The following DPYD variants were observed in gnomAD, a reference collection of about 807,000 sequenced individuals.
DPYD encodes the protein dihydropyrimidine dehydrogenase, also known as dihydropyrimidine dehydrogenase [NADP(+)].
A neutral mutation model predicts 116.2 loss-of-function variants in DPYD; 109 were observed. The observed-to-expected ratio is 0.94, with a 90% CI of 0.80 to 1.10. The LOEUF is 1.10. DPYD is among the 50% of genes least tolerant of loss of function. The pLI is 0.00. For missense variants in DPYD, 1,302 were observed against 1,254.5 expected, an observed-to-expected ratio of 1.04 and a Z score of -0.57; for synonymous variants, 440 against 432.0, an observed-to-expected ratio of 1.02 and a Z score of -0.23.
intron 3 of DPYD, among the ~76,000 whole-genome samples, chr1:97,823,085 A>C (rs1669043110): frequency 6.6e-6 from 1 of 152,230 alleles, no homozygotes; most frequent in Admixed American, 6.5e-5. Flanking sequence ...TTGTGTAATG[A>C]TCAAATCAAG....
In DPYD at chr1:97,593,288, C is replaced by T. The variant is rs778601245; in HGVS notation, c.1058G>A (p.Arg353His). The change falls in exon 10 of 23, where the codon CGT becomes CAT. Residue 353 changes from arginine (R) to histidine (H), a missense_variant. Arg to His is a conservative substitution (Grantham distance 29, BLOSUM62 0). Transcript: ENST00000370192. ...GATGAACACACGGCGAGCTCCACAA[C>T]GTAGAGCAGATGTTGCACAGTCAAA... is the stretch of plus-strand genomic sequence containing the variant. ...TAFDCATSAL[R>H]CGARRVFIVF... 22 of 1,614,116 alleles carry T rather than the reference C, an allele frequency of 1.4e-5. No homozygotes were observed. In the South Asian group the frequency reaches 2.0e-4, roughly 14 times the overall value.
intron 19 of DPYD, among the ~76,000 whole-genome samples, chr1:97,196,504 G>A (rs1276599559): frequency 6.6e-6 from 1 of 152,142 alleles, no homozygotes; most frequent in African/African-American, 2.4e-5. Flanking sequence ...ACTGATTTCT[G>A]TGTATGAGAT....
intron 14 of DPYD, among the ~76,000 whole-genome samples, chr1:97,390,254 T>G (rs1465495282): frequency 1.3e-5 from 2 of 152,022 alleles, no homozygotes; most frequent in Admixed American, 6.6e-5. Flanking sequence ...AGGGAAAAAC[T>G]GCAAAGTGAC....
At chr1:97,538,486 C>A (rs764269224) in intron 12 of DPYD, among the ~76,000 whole-genome samples, 1 of 152,120 alleles carries the variant, frequency 6.6e-6, no homozygotes. Flanking sequence ...ATACTTAGTT[C>A]CCTCAACCAC....
chr1:97,701,184 G>C (rs899338317), intron 5 of DPYD, among the ~76,000 whole-genome samples: 4 of 146,818 alleles, frequency 2.7e-5, no homozygotes, highest in African/African-American at 9.9e-5. Flanking sequence ...AAGAAAGCTG[G>C]TACATATATA....
intron 2 of DPYD, among the ~76,000 whole-genome samples, chr1:97,872,183 A>G (rs1190657703): frequency 6.6e-6 from 1 of 151,918 alleles, no homozygotes; most frequent in Non-Finnish European, 1.5e-5. Flanking sequence ...CCAACCTCAA[A>G]GATAAGGAAG....
chr1:97,320,068 T>C (rs1473528066), intron 16 of DPYD, among the ~76,000 whole-genome samples: 12 of 140,134 alleles, frequency 8.6e-5, no homozygotes, highest in African/African-American at 2.6e-4. Context: ...AATTAGGTAT[T>C]GATGGGATGT....
At chr1:97,134,036 T>A (rs868408720) in intron 20 of DPYD, among the ~76,000 whole-genome samples, 707 of 41,902 alleles carry the variant, frequency 0.017, 78 homozygotes, top group East Asian at 0.053. Context: ...TATATATATA[T>A]ATATATATAT....
chr1:97,721,124 T>C (rs540521177), intron 5 of DPYD, among the ~76,000 whole-genome samples: 1 of 151,922 alleles, frequency 6.6e-6, no homozygotes, highest in South Asian at 2.1e-4. Flanking sequence ...AAATATGCTG[T>C]ATTTCAAGCT....
At chr1:97,910,622 T>A (rs77350815) in intron 1 of DPYD, among the ~76,000 whole-genome samples, 10,327 of 152,184 alleles carry the variant, frequency 0.068, 385 homozygotes, top group Middle Eastern at 0.13. Flanking sequence ...GTGGCAGAGC[T>A]AGGCTGTGAA....
intron 2 of DPYD, among the ~76,000 whole-genome samples, chr1:97,846,656 T>G (rs1043769004): frequency 6.6e-6 from 1 of 152,236 alleles, no homozygotes; most frequent in African/African-American, 2.4e-5. Flanking sequence ...GAGATTGGTA[T>G]GAATATAAAG....
At chr1:97,088,798 G>C (rs888807713) in intron 21 of DPYD, among the ~76,000 whole-genome samples, 5 of 152,042 alleles carry the variant, frequency 3.3e-5, no homozygotes, top group African/African-American at 1.2e-4. Flanking sequence ...AGACTTAAGG[G>C]ATTATTTTAC....
chr1:97,500,456 C>T (rs568659724), intron 13 of DPYD, among the ~76,000 whole-genome samples: 1 of 151,930 alleles, frequency 6.6e-6, no homozygotes, highest in East Asian at 1.9e-4. Context: ...GAATTCAAAG[C>T]TCTTATTTCA....
chr1:97,081,619 AAG>A (rs1649150721), intron 22 of DPYD, among the ~76,000 whole-genome samples: 1 of 152,108 alleles, frequency 6.6e-6, no homozygotes, highest in Non-Finnish European at 1.5e-5. Flanking sequence ...TTATAAGCCA[AAG>A]AGAAATTCAC....
At chr1:97,211,029 A>G (rs960684310) in intron 19 of DPYD, among the ~76,000 whole-genome samples, 15 of 152,168 alleles carry the variant, frequency 9.9e-5, no homozygotes, top group Admixed American at 9.8e-4. Flanking sequence ...TTAATTATCT[A>G]CACGACAGCT....
chr1:97,858,271 C>T (rs191779076), intron 2 of DPYD, among the ~76,000 whole-genome samples: 183 of 152,152 alleles, frequency 1.2e-3, no homozygotes, highest in Non-Finnish European at 2.1e-3. Context: ...AACTAAATTG[C>T]TTCAATCTTA....
chr1:97,599,480 G>A (rs1655111127), intron 8 of DPYD, among the ~76,000 whole-genome samples: 1 of 151,976 alleles, frequency 6.6e-6, no homozygotes. Flanking sequence ...GCATGTTTAA[G>A]AATTACTCAG....
At chr1:97,638,972 G>T (rs1196302473) in intron 8 of DPYD, among the ~76,000 whole-genome samples, 1 of 152,040 alleles carries the variant, frequency 6.6e-6, no homozygotes, top group African/African-American at 2.4e-5. Context: ...ATTTGGAGAT[G>T]GTATCATAAC....
chr1:97,818,597 T>C (rs1373840773), intron 3 of DPYD, among the ~76,000 whole-genome samples: 1 of 152,038 alleles, frequency 6.6e-6, no homozygotes, highest in Non-Finnish European at 1.5e-5. Context: ...ACAGCTAATA[T>C]AATTGTTTTC....
Sources: allele counts gnomAD v4.1 joint callset (sites outside exome capture counted in the v4.1 genomes callset), GRCh38; gene constraint gnomAD v4.1.1; transcripts MANE v1.5; gene names NCBI Gene and HGNC (gene_info 2026-07-23, HGNC 2026-07-21).